Variants in SNRK observed in about 807,000 individuals in gnomAD.
The protein encoded by SNRK is SNF-related serine/threonine-protein kinase.
In SNRK, 3 loss-of-function variants were observed where a neutral mutation model predicts 48.2. That is an observed-to-expected ratio of 0.06 (90% confidence interval 0.03 to 0.16). SNRK has a LOEUF of 0.16. Among genes scored for constraint, SNRK ranks in the 10% least tolerant of loss-of-function variants. The probability of loss-of-function intolerance (pLI) is 1.00; values close to 1 mark genes in which losing one functional copy is unlikely to be tolerated. For synonymous variants in SNRK, 376 were observed against 366.1 expected, an observed-to-expected ratio of 1.03 and a Z score of -0.31; for missense variants, 627 against 976.0, an observed-to-expected ratio of 0.64 and a Z score of 4.76.
At chr3:43,334,624 T>TA (rs1178554730) in intron 4 of SNRK, among the ~76,000 whole-genome samples, 4 of 151,684 alleles carry the variant, frequency 2.6e-5, no homozygotes, top group Non-Finnish European at 4.4e-5. Context: ...AGATGGAGTC[T>TA]AGTGGTGTTC....
At chr3:43,336,987 C>T (rs539141626) in intron 4 of SNRK, among the ~76,000 whole-genome samples, 5 of 152,026 alleles carry the variant, frequency 3.3e-5, no homozygotes, top group Non-Finnish European at 7.4e-5. Context: ...CTCCTGACCT[C>T]GTGATCCACC....
At chr3:43,323,662 CT>C (rs554963944) in intron 3 of SNRK, among the ~76,000 whole-genome samples, 2 of 152,158 alleles carry the variant, frequency 1.3e-5, no homozygotes, top group African/African-American at 4.8e-5. Context: ...CCTGTACACA[CT>C]TTTTTTGTGA....
rs79042784 is a variant in SNRK at position 43,339,432 on chromosome 3, G to A, written c.732-855G>A. The stretch of plus-strand genomic sequence containing the variant: ...AAAGGCCAGCTTTGTCATTCATTTC[G>A]TAAGGGTTCTGTTTTACTTCATTTT... On this transcript the variant is annotated intron_variant, in intron 4 of 6. Transcript: ENST00000296088. 1.3e-3 allele frequency among the ~76,000 whole-genome samples: 200 copies of A among 152,264 alleles called. 1 individual carries two copies. In the East Asian group the frequency reaches 0.032, roughly 24 times the overall value.
intron 3 of SNRK, among the ~76,000 whole-genome samples, chr3:43,321,762 C>T (rs574799054): frequency 2.6e-5 from 4 of 152,260 alleles, no homozygotes; most frequent in African/African-American, 4.8e-5. Context: ...CTTATGGGCA[C>T]CTCTGGAGGT....
intron 5 of SNRK, among the ~76,000 whole-genome samples, chr3:43,342,455 T>C (rs946381930): frequency 7.2e-5 from 11 of 152,232 alleles, no homozygotes; most frequent in Non-Finnish European, 1.3e-4. Flanking sequence ...CCTTGGATAC[T>C]TCCTTTGTAA....
chr3:43,322,316 ATAAT>A (rs1036250023), intron 3 of SNRK, among the ~76,000 whole-genome samples: 3 of 152,388 alleles, frequency 2.0e-5, no homozygotes, highest in African/African-American at 7.2e-5. Context: ...TTGTATGTGA[ATAAT>A]TAAGAACAAA....
At chr3:43,343,294 A>G (rs1009401689) in intron 5 of SNRK, 50 bp from the exon 6 acceptor site, 1 of 1,527,098 alleles carries the variant, frequency 6.5e-7, no homozygotes, top group Non-Finnish European at 8.8e-7. Context: ...GCTTCTTGTA[A>G]AAAAACCTCC....
intron 3 of SNRK, among the ~76,000 whole-genome samples, chr3:43,308,858 G>A (rs2090957296): frequency 6.6e-6 from 1 of 152,288 alleles, no homozygotes; most frequent in South Asian, 2.1e-4. Context: ...TAATTCCTCC[G>A]ATCCATCTGG....
At chr3:43,314,582 T>A (rs902191146) in intron 3 of SNRK, among the ~76,000 whole-genome samples, 1 of 152,084 alleles carries the variant, frequency 6.6e-6, no homozygotes, top group Non-Finnish European at 1.5e-5. Flanking sequence ...TATAAAAGAG[T>A]CTTTTAGAGA....
intron 3 of SNRK, among the ~76,000 whole-genome samples, chr3:43,316,313 G>A (rs2091012897): frequency 6.6e-6 from 1 of 152,012 alleles, no homozygotes; most frequent in South Asian, 2.1e-4. Flanking sequence ...GTGGCTCTCA[G>A]TGGTCATCAT....
rs1000388663 is a variant in SNRK at position 43,350,882 on chromosome 3, G to A, written c.*2325G>A. On this transcript the variant is annotated 3_prime_UTR_variant, in exon 7 of 7. Coordinates refer to ENST00000296088, the MANE Select transcript of SNRK (RefSeq NM_017719.5). Reference sequence around the variant, plus strand: ...TATGTGTGTATATATATATAATTATGTACTTCTGGCAATTCTATCTGTATT... The same window carrying A: ...TATGTGTGTATATATATATAATTATATACTTCTGGCAATTCTATCTGTATT... 1 of 152,432 alleles carries A rather than the reference G, an allele frequency of 6.6e-6. No homozygotes were observed. Among genetic ancestry groups the A allele is most frequent in the Non-Finnish European group, 1.5e-5 (1 of 68,000 alleles). 9.4% of individuals were successfully genotyped at this position (152,432 alleles called of 1,614,324 possible).
At chr3:43,315,750 G>A (rs1051461564) in intron 3 of SNRK, among the ~76,000 whole-genome samples, 3 of 152,158 alleles carry the variant, frequency 2.0e-5, no homozygotes, top group East Asian at 3.8e-4. Context: ...GCAGCCTGGG[G>A]CCCAGGCATA....
chr3:43,309,612 G>GT (rs35398476), intron 3 of SNRK, among the ~76,000 whole-genome samples: 118,101 of 143,258 alleles, frequency 0.82, 50,188 homozygotes, highest in Non-Finnish European at 0.93. Flanking sequence ...TAGAAATAAG[G>GT]TTTTTTTTTT....
At chr3:43,324,854 A>G (rs1282030973) in intron 3 of SNRK, among the ~76,000 whole-genome samples, 1 of 152,242 alleles carries the variant, frequency 6.6e-6, no homozygotes, top group African/African-American at 2.4e-5. Context: ...GAAATTTGTT[A>G]TATTAAATTT....
intron 2 of SNRK, among the ~76,000 whole-genome samples, chr3:43,301,799 C>G (rs1033976030): frequency 2.0e-5 from 3 of 152,114 alleles, no homozygotes; most frequent in African/African-American, 7.2e-5. Context: ...TGGGAGAGAG[C>G]TAGCCTTAGG....
At chr3:43,313,683 AATG>A (rs1427390978) in intron 3 of SNRK, among the ~76,000 whole-genome samples, 2 of 152,194 alleles carry the variant, frequency 1.3e-5, no homozygotes, top group Non-Finnish European at 2.9e-5. Flanking sequence ...ATACATGTGA[AATG>A]ATGAAATCTG....
intron 3 of SNRK, among the ~76,000 whole-genome samples, chr3:43,305,166 A>G (rs1345733296): frequency 6.6e-6 from 1 of 152,238 alleles, no homozygotes; most frequent in Non-Finnish European, 1.5e-5. Flanking sequence ...GTAAGACCAT[A>G]GAATATCAGG....
At chr3:43,315,513 A>G (rs1212407831) in intron 3 of SNRK, among the ~76,000 whole-genome samples, 2 of 152,096 alleles carry the variant, frequency 1.3e-5, no homozygotes, top group Non-Finnish European at 2.9e-5. Flanking sequence ...TGTACTATTT[A>G]CCATTTGGAT....
In SNRK at chr3:43,334,460, C is replaced by CA. The variant is rs1196622842; in HGVS notation, c.731+2164dup. 4.3e-3 allele frequency among the ~76,000 whole-genome samples: 586 copies of CA among 136,114 alleles called. 2 individuals are homozygous for CA. The highest frequency in any genetic ancestry group is 0.029 in the East Asian group (138 of 4,756). The allele number at this position is 136,114 out of a possible 152,430, so 89.3% of individuals were successfully genotyped here. A position where few individuals can be genotyped will look rare whatever the true frequency, so the allele number is the denominator to read the frequency against. ...TGGGTAACAGAGTAAGACCCTGTCT[C>CA]AAAAAAAAAAAAAATTATTGGGACT... On this transcript the variant is annotated intron_variant, in intron 4 of 6. Coordinates refer to ENST00000296088, the MANE Select transcript of SNRK (RefSeq NM_017719.5).
Sources: allele counts gnomAD v4.1 joint callset (sites outside exome capture counted in the v4.1 genomes callset), GRCh38; gene constraint gnomAD v4.1.1; transcripts MANE v1.5; gene names NCBI Gene and HGNC (gene_info 2026-07-23, HGNC 2026-07-21).